Variants in SGIP1 observed in about 807,000 individuals in gnomAD.
SGIP1 encodes the protein SH3-containing GRB2-like protein 3-interacting protein 1.
SGIP1 carries 38 observed loss-of-function variants against 107.5 expected under a neutral mutation model. The ratio of observed to expected loss-of-function variants is 0.35; its 90% confidence interval spans 0.27 to 0.46. The LOEUF is 0.46. Ranked by LOEUF, SGIP1 falls within the 20% of genes least tolerant of loss-of-function variation. The probability of loss-of-function intolerance (pLI) is 1.00; values close to 1 mark genes in which losing one functional copy is unlikely to be tolerated. For synonymous variants in SGIP1, 365 were observed against 366.1 expected (o/e 1.00, Z 0.03); for missense variants, 929 against 1,019.5 (o/e 0.91, Z 1.21).
intron 19 of SGIP1, among the ~76,000 whole-genome samples, chr1:66,727,577 A>G (rs1455476282): frequency 2.0e-5 from 3 of 152,224 alleles, no homozygotes; most frequent in Admixed American, 6.5e-5. Context: ...ATACCCGTAC[A>G]CGCGTATTCA....
intron 1 of SGIP1, among the ~76,000 whole-genome samples, chr1:66,614,082 G>T (rs983071431): frequency 3.9e-5 from 6 of 152,124 alleles, no homozygotes; most frequent in Admixed American, 2.6e-4. Flanking sequence ...TTCTAATCTT[G>T]CCAGTTGAAT....
chr1:66,684,097 C>G (rs2087589605), intron 15 of SGIP1: 1 of 1,550,188 alleles, frequency 6.5e-7, no homozygotes, highest in Non-Finnish European at 8.7e-7. Context: ...TTATCTTTCC[C>G]TTTTTACAGA....
chr1:66,534,498 C>A, intron 1 of SGIP1, 130 bp downstream of exon 1: 1 of 1,013,608 alleles, frequency 9.9e-7, no homozygotes, highest in Non-Finnish European at 1.5e-6. Context: ...AGCAGAAATG[C>A]TGCAGTTTGC....
intron 18 of SGIP1, among the ~76,000 whole-genome samples, chr1:66,708,027 T>C (rs967296941): frequency 1.2e-4 from 18 of 152,178 alleles, no homozygotes; most frequent in Non-Finnish European, 2.2e-4. Flanking sequence ...ATGCATGCCA[T>C]GCCTGCAGCT....
chr1:66,546,542 A>G (rs1252223471), intron 1 of SGIP1, among the ~76,000 whole-genome samples: 1 of 152,186 alleles, frequency 6.6e-6, no homozygotes, highest in Non-Finnish European at 1.5e-5. Context: ...TTATTTTACT[A>G]TTCCTCTGTC....
At chr1:66,646,056 G>T (rs889594753) in intron 7 of SGIP1, among the ~76,000 whole-genome samples, 14 of 152,088 alleles carry the variant, frequency 9.2e-5, no homozygotes, top group African/African-American at 3.1e-4. Context: ...GGCCAGGCTG[G>T]TCTCGAATTG....
At chr1:66,630,815 GAAA>G (rs2074135734) in intron 2 of SGIP1, among the ~76,000 whole-genome samples, 3 of 4,310 alleles carry the variant, frequency 7.0e-4, no homozygotes, top group Non-Finnish European at 1.0e-3. Context: ...AAGAAAGAAA[GAAA>G]GAAAGAAAGA....
intron 4 of SGIP1, among the ~76,000 whole-genome samples, chr1:66,636,951 G>A (rs946305473): frequency 1.3e-5 from 2 of 152,054 alleles, no homozygotes; most frequent in African/African-American, 2.4e-5. Flanking sequence ...GACATGATTA[G>A]CGTCACTGTG....
At chr1:66,712,370 G>C (rs1040270545) in intron 18 of SGIP1, among the ~76,000 whole-genome samples, 3 of 152,176 alleles carry the variant, frequency 2.0e-5, no homozygotes, top group African/African-American at 7.2e-5. Flanking sequence ...AAGTGGAAGA[G>C]ATTATACGGA....
intron 21 of SGIP1, among the ~76,000 whole-genome samples, 172 bp from the exon 22 acceptor site, chr1:66,739,163 G>A (rs1241545052): frequency 6.6e-6 from 1 of 151,970 alleles, no homozygotes; most frequent in African/African-American, 2.4e-5. Flanking sequence ...CTGCTTTCGT[G>A]TTTTTAGTCT....
intron 11 of SGIP1, 113 bp from the exon 12 acceptor site, chr1:66,673,168 G>A: frequency 1.9e-6 from 2 of 1,026,168 alleles, no homozygotes; most frequent in South Asian, 1.3e-5. Context: ...TGCATGCACT[G>A]GTGCACACAC....
chr1:66,709,473 A>T (rs372981766), intron 18 of SGIP1, among the ~76,000 whole-genome samples: 27 of 152,030 alleles, frequency 1.8e-4, no homozygotes, highest in African/African-American at 6.3e-4. Flanking sequence ...CTCCTCTCAG[A>T]CTCAGTTTCT....
intron 1 of SGIP1, among the ~76,000 whole-genome samples, chr1:66,611,940 T>C (rs1019778827): frequency 2.6e-4 from 39 of 152,264 alleles, no homozygotes; most frequent in African/African-American, 8.2e-4. Flanking sequence ...TGTTACAGAA[T>C]CTTAGAGTCA....
At chr1:66,640,678 G>T (rs554493691) in intron 5 of SGIP1, among the ~76,000 whole-genome samples, 1 of 152,132 alleles carries the variant, frequency 6.6e-6, no homozygotes, top group South Asian at 2.1e-4. Context: ...AGCCCTGCTG[G>T]GCCTTATTGG....
At chr1:66,742,421 A>AT (rs2094475140) in intron 24 of SGIP1, among the ~76,000 whole-genome samples, 1 of 148,874 alleles carries the variant, frequency 6.7e-6, no homozygotes, top group Admixed American at 6.7e-5. Context: ...GCTCTCAAAA[A>AT]TGATCCAAAT....
chr1:66,691,758 AAAGT>A (rs1221324753), intron 17 of SGIP1, among the ~76,000 whole-genome samples: 5 of 152,168 alleles, frequency 3.3e-5, no homozygotes, highest in Non-Finnish European at 7.3e-5. Context: ...GTCAGAGAGG[AAAGT>A]AAGAGTAAAC....
intron 1 of SGIP1, among the ~76,000 whole-genome samples, chr1:66,609,600 G>A (rs1033390369): frequency 5.3e-5 from 8 of 152,150 alleles, no homozygotes; most frequent in Non-Finnish European, 1.0e-4. Context: ...TGAATTCTGC[G>A]AAATCACAGA....
intron 1 of SGIP1, 118 bp from the exon 2 acceptor site, chr1:66,625,729 C>T (rs1458492000): frequency 2.5e-6 from 2 of 815,566 alleles, no homozygotes; most frequent in Non-Finnish European, 3.9e-6. Flanking sequence ...TTACATACAA[C>T]TTCAGAAACT....
At chr1:66,713,516 A>G (rs1034470707) in intron 18 of SGIP1, among the ~76,000 whole-genome samples, 3 of 152,168 alleles carry the variant, frequency 2.0e-5, no homozygotes, top group African/African-American at 4.8e-5. Context: ...ATCCATGTCA[A>G]TAAATACTGC....
Sources: allele counts gnomAD v4.1 joint callset (sites outside exome capture counted in the v4.1 genomes callset), GRCh38; gene constraint gnomAD v4.1.1; transcripts MANE v1.5; gene names NCBI Gene and HGNC (gene_info 2026-07-23, HGNC 2026-07-21).